The following NAALADL2 variants were observed in gnomAD, a reference collection of about 807,000 sequenced individuals.
NAALADL2 encodes N-acetylated alpha-linked acidic dipeptidase like 2.
In NAALADL2, 76 loss-of-function variants were observed where a neutral mutation model predicts 87.2. The ratio of observed to expected loss-of-function variants is 0.87; its 90% CI spans 0.72 to 1.05. The LOEUF is 1.05. Ranked by LOEUF, NAALADL2 falls within the 50% of genes least tolerant of loss-of-function variation. The pLI is 0.00. For missense variants in NAALADL2, 1,089 were observed against 945.8 expected, an observed-to-expected ratio of 1.15 and a Z score of -1.99; for synonymous variants, 354 against 331.0, an observed-to-expected ratio of 1.07 and a Z score of -0.75.
chr3:175,631,798 T>C (rs1727802651), intron 11 of NAALADL2, among the ~76,000 whole-genome samples: 2 of 152,006 alleles, frequency 1.3e-5, no homozygotes, highest in Non-Finnish European at 2.9e-5. Flanking sequence ...TATTCATGTT[T>C]TTAAATAGGC....
At chr3:175,714,678 T>G (rs911710010) in intron 11 of NAALADL2, among the ~76,000 whole-genome samples, 10 of 152,176 alleles carry the variant, frequency 6.6e-5, no homozygotes, top group Non-Finnish European at 1.2e-4. Context: ...ATTCTGTAGG[T>G]TGCCTGTTCA....
intron 4 of NAALADL2, among the ~76,000 whole-genome samples, chr3:175,302,371 G>C (rs56738835): frequency 6.6e-6 from 1 of 151,982 alleles, no homozygotes; most frequent in African/African-American, 2.4e-5. Flanking sequence ...CATCCTAATT[G>C]ATGATAGTCC....
intron 1 of NAALADL2, among the ~76,000 whole-genome samples, chr3:174,983,573 C>T (rs1745420586): frequency 6.6e-6 from 1 of 152,100 alleles, no homozygotes; most frequent in Non-Finnish European, 1.5e-5. Flanking sequence ...TATTTGCTCT[C>T]TGCTTCATAG....
chr3:174,483,657 A>T (rs1412673580), intron 1 of NAALADL2, among the ~76,000 whole-genome samples: 1 of 152,084 alleles, frequency 6.6e-6, no homozygotes, highest in Admixed American at 6.6e-5. Context: ...ATAACTAAGG[A>T]TCAGCCTTCT....
intron 11 of NAALADL2, among the ~76,000 whole-genome samples, chr3:175,641,167 G>T (rs1388796804): frequency 6.6e-6 from 1 of 152,032 alleles, no homozygotes; most frequent in East Asian, 1.9e-4. Context: ...ATATGCATGT[G>T]GCTCACTCCC....
chr3:175,802,904 T>G (rs1227862502), intron 13 of NAALADL2, 101 bp from the exon 14 acceptor site: 10 of 727,488 alleles, frequency 1.4e-5, no homozygotes, highest in Non-Finnish European at 2.0e-5. Flanking sequence ...ATTTATTCAT[T>G]TATTGAAAAC....
At chr3:175,463,710 G>GAC in intron 7 of NAALADL2, among the ~76,000 whole-genome samples, 1 of 149,562 alleles carries the variant, frequency 6.7e-6, no homozygotes, top group African/African-American at 2.5e-5. Flanking sequence ...GGGAGAGAGA[G>GAC]AGAGAGAGAG....
chr3:175,494,308 T>C (rs899622784), intron 9 of NAALADL2, among the ~76,000 whole-genome samples: 1 of 152,138 alleles, frequency 6.6e-6, no homozygotes, highest in Non-Finnish European at 1.5e-5. Flanking sequence ...TGTTACAATA[T>C]GGTGATAAAC....
At chr3:175,345,143 T>TGAAAA (rs1762999177) in intron 5 of NAALADL2, among the ~76,000 whole-genome samples, 1 of 143,248 alleles carries the variant, frequency 7.0e-6, no homozygotes, top group South Asian at 2.3e-4. Context: ...AAATAAAAAT[T>TGAAAA]AAATAAATAT....
intron 3 of NAALADL2, among the ~76,000 whole-genome samples, chr3:174,826,780 T>G (rs576313737): frequency 6.6e-6 from 1 of 152,330 alleles, no homozygotes; most frequent in African/African-American, 2.4e-5. Flanking sequence ...GTTTTGCACT[T>G]AGAGTCAGAA....
intron 6 of NAALADL2, among the ~76,000 whole-genome samples, chr3:175,458,916 C>G (rs1722711347): frequency 6.6e-6 from 1 of 152,124 alleles, no homozygotes; most frequent in Admixed American, 6.6e-5. Context: ...GGCCTTCTCA[C>G]TTTGCTTCAA....
At chr3:175,396,888 T>C (rs968999098) in intron 5 of NAALADL2, among the ~76,000 whole-genome samples, 11 of 152,074 alleles carry the variant, frequency 7.2e-5, no homozygotes, top group African/African-American at 2.7e-4. Flanking sequence ...ATTATAAGTT[T>C]CCTGAGGCCT....
intron 11 of NAALADL2, among the ~76,000 whole-genome samples, chr3:175,724,938 TATTG>T (rs950682217): frequency 6.5e-4 from 99 of 152,126 alleles, no homozygotes; most frequent in African/African-American, 2.3e-3. Context: ...ATCAAAATAA[TATTG>T]ATCTATTAAT....
chr3:175,107,629 G>T (rs1432798259), intron 2 of NAALADL2, among the ~76,000 whole-genome samples: 1 of 151,700 alleles, frequency 6.6e-6, no homozygotes, highest in African/African-American at 2.4e-5. Flanking sequence ...AATGTAAAAT[G>T]GTTGCAGTTG....
intron 10 of NAALADL2, among the ~76,000 whole-genome samples, chr3:175,589,970 T>G (rs1481556876): frequency 2.0e-5 from 3 of 151,992 alleles, no homozygotes; most frequent in African/African-American, 7.3e-5. Flanking sequence ...CCCAACACTT[T>G]GGGAGGCCGA....
intron 3 of NAALADL2, among the ~76,000 whole-genome samples, chr3:174,823,572 A>G (rs893872268): frequency 9.2e-5 from 14 of 152,232 alleles, no homozygotes; most frequent in Admixed American, 8.5e-4. Context: ...TTGTACTTCA[A>G]CATCATCTTT....
intron 2 of NAALADL2, among the ~76,000 whole-genome samples, chr3:174,654,609 C>T (rs1486893893): frequency 6.6e-6 from 1 of 152,194 alleles, no homozygotes; most frequent in East Asian, 1.9e-4. Context: ...AAGCTGCTCT[C>T]ATGTTCCCCT....
chr3:175,269,129 G>T (rs1170759192), intron 4 of NAALADL2, among the ~76,000 whole-genome samples: 4 of 87,998 alleles, frequency 4.5e-5, no homozygotes, highest in African/African-American at 1.2e-4. Context: ...AGTAGAGACG[G>T]GATTTCACCA....
At chr3:174,946,566 G>T (rs1173121509) in intron 1 of NAALADL2, among the ~76,000 whole-genome samples, 1 of 152,140 alleles carries the variant, frequency 6.6e-6, no homozygotes, top group African/African-American at 2.4e-5. Context: ...TATCAAGTAA[G>T]TTCTGAATGT....
Sources: gnomAD v4.1 joint callset for allele counts (sites outside exome capture counted in the v4.1 genomes callset) on GRCh38, gnomAD v4.1.1 for gene constraint, MANE v1.5 for transcripts, NCBI Gene and HGNC (gene_info 2026-07-23, HGNC 2026-07-21) for gene names.